Variants in ELAVL2 observed in about 807,000 individuals in gnomAD.
ELAVL2 encodes the protein ELAV like RNA binding protein 2, also known as ELAV-like protein 2.
A neutral mutation model predicts 34.6 loss-of-function variants in ELAVL2; 4 were observed. The ratio of observed to expected loss-of-function variants is 0.12; its 90% confidence interval spans 0.06 to 0.26. The LOEUF (loss-of-function observed/expected upper bound fraction) is 0.26. Ranked by LOEUF, ELAVL2 falls within the 10% of genes least tolerant of loss-of-function variation. The pLI is 1.00. For missense variants in ELAVL2, 432 were observed against 442.8 expected (o/e 0.98, Z 0.22); for synonymous variants, 193 against 154.8 (o/e 1.25, Z -1.83).
At chr9:23,746,456 A>T (rs1341757316) in intron 2 of ELAVL2, among the ~76,000 whole-genome samples, 1 of 152,184 alleles carries the variant, frequency 6.6e-6, no homozygotes, top group Non-Finnish European at 1.5e-5. Flanking sequence ...TTTCAGAATG[A>T]GTAAGGGCTG....
the ELAVL2 span, among the ~76,000 whole-genome samples, chr9:23,837,575 C>G: frequency 6.6e-6 from 1 of 152,238 alleles, no homozygotes; most frequent in East Asian, 1.9e-4. Flanking sequence ...CAAGATAACA[C>G]AGCTAGAAAT....
chr9:23,697,210 C>T (rs2035563158), intron 5 of ELAVL2, among the ~76,000 whole-genome samples: 1 of 152,018 alleles, frequency 6.6e-6, no homozygotes, highest in Non-Finnish European at 1.5e-5. Context: ...AAAAAGATTA[C>T]TACAAATGTA....
intron 1 of ELAVL2, among the ~76,000 whole-genome samples, chr9:23,785,623 G>A (rs533340617): frequency 7.9e-4 from 120 of 152,202 alleles, no homozygotes; most frequent in Non-Finnish European, 1.5e-3. Flanking sequence ...ACTGTCTCAC[G>A]TCTGTTAACC....
chr9:23,773,427 C>G (rs146110139), intron 1 of ELAVL2, among the ~76,000 whole-genome samples: 1 of 152,118 alleles, frequency 6.6e-6, no homozygotes, highest in Non-Finnish European at 1.5e-5. Flanking sequence ...TCAGACTTCC[C>G]GCTTTGCAAG....
chr9:23,769,382 G>C (rs544408966), intron 1 of ELAVL2, among the ~76,000 whole-genome samples: 1 of 152,126 alleles, frequency 6.6e-6, no homozygotes. Flanking sequence ...CATTCCTATA[G>C]CAAATGCTTT....
chr9:23,720,778 C>T (rs960799403), intron 3 of ELAVL2, among the ~76,000 whole-genome samples: 3 of 152,166 alleles, frequency 2.0e-5, no homozygotes, highest in Non-Finnish European at 2.9e-5. Context: ...TACCCAAGTG[C>T]AAATCATTAA....
chr9:23,705,395 C>T (rs1000933897), intron 3 of ELAVL2, among the ~76,000 whole-genome samples: 2 of 152,158 alleles, frequency 1.3e-5, no homozygotes, highest in African/African-American at 4.8e-5. Context: ...GATCAATTTG[C>T]GGAGGTATAG....
intron 1 of ELAVL2, among the ~76,000 whole-genome samples, chr9:23,823,393 A>C (rs1266431078): frequency 6.6e-6 from 1 of 152,122 alleles, no homozygotes; most frequent in Non-Finnish European, 1.5e-5. Flanking sequence ...ATTATGGGAG[A>C]GCTCTCAGAA....
In ELAVL2 at chr9:23,769,311, A is replaced by T. The variant is rs146272087; in HGVS notation, c.-15-7062T>A. The stretch of plus-strand genomic sequence containing the variant: ...CACTCCAAAATTGGTGAAATAAGTC[A>T]TATGAGCTTATAGATGACAGCTGGG... On this transcript the variant is annotated intron_variant, in intron 1 of 6. Transcript: ENST00000397312. Among the ~76,000 whole-genome samples, 913 of 152,264 alleles carry T rather than the reference A, an allele frequency of 6.0e-3. 6 individuals carry two copies. Among genetic ancestry groups the T allele is most frequent in the African/African-American group, 0.021 (884 of 41,552 alleles).
At chr9:23,799,080 C>T (rs2061296063) in intron 1 of ELAVL2, among the ~76,000 whole-genome samples, 2 of 152,118 alleles carry the variant, frequency 1.3e-5, no homozygotes, top group Non-Finnish European at 2.9e-5. Flanking sequence ...TCCTAAAGTG[C>T]TAATTATTAC....
the ELAVL2 span, among the ~76,000 whole-genome samples, chr9:23,834,236 A>C: frequency 5.3e-5 from 8 of 152,034 alleles, no homozygotes; most frequent in African/African-American, 1.9e-4. Context: ...GTTTATCCTT[A>C]TAAATTTTTG....
At chr9:23,745,611 C>T (rs2135379383) in intron 2 of ELAVL2, among the ~76,000 whole-genome samples, 1 of 152,284 alleles carries the variant, frequency 6.6e-6, no homozygotes, top group South Asian at 2.1e-4. Context: ...GAACCAAAGA[C>T]TGTCCAAAAA....
intron 1 of ELAVL2, among the ~76,000 whole-genome samples, chr9:23,777,570 T>C (rs755503584): frequency 3.9e-5 from 6 of 152,146 alleles, no homozygotes; most frequent in African/African-American, 7.2e-5. Flanking sequence ...GGCCTTGGAA[T>C]TGAGTTGAGT....
At chr9:23,737,033 C>T (rs1360958642) in intron 2 of ELAVL2, among the ~76,000 whole-genome samples, 7 of 152,184 alleles carry the variant, frequency 4.6e-5, no homozygotes, top group Non-Finnish European at 1.0e-4. Context: ...GCACACTGTA[C>T]AGTGCTCCTC....
At chr9:23,712,236 G>A (rs547809562) in intron 3 of ELAVL2, among the ~76,000 whole-genome samples, 6 of 152,152 alleles carry the variant, frequency 3.9e-5, no homozygotes, top group Non-Finnish European at 5.9e-5. Context: ...TGTAGGACTC[G>A]CGGTCTTAGC....
At chr9:23,778,525 T>C (rs1054201524) in intron 1 of ELAVL2, among the ~76,000 whole-genome samples, 2 of 152,170 alleles carry the variant, frequency 1.3e-5, no homozygotes, top group Non-Finnish European at 2.9e-5. Flanking sequence ...GGTTGCCCTA[T>C]AAATGGGGTG....
At position 23,691,280 on chromosome 9, in the gene ELAVL2, G is replaced by T. The variant is rs1348267117; in HGVS notation, c.*1277C>A. On this transcript the variant is annotated 3_prime_UTR_variant, in exon 7 of 7. Coordinates refer to ENST00000397312, the MANE Select transcript of ELAVL2 (RefSeq NM_004432.5). ...GAAAAAAAATTAAATTAGCTGAAAG[G>T]TTCATAAACACAAGGTCTTATTTAC... 1 of 152,512 alleles carries T rather than the reference G, an allele frequency of 6.6e-6. No individual in the cohort carries two copies. Among genetic ancestry groups the T allele is most frequent in the East Asian group, 1.9e-4 (1 of 5,188 alleles). 9.4% of individuals were successfully genotyped at this position (152,512 alleles called of 1,614,324 possible).
chr9:23,805,355 T>G (rs1164054750), intron 1 of ELAVL2, among the ~76,000 whole-genome samples: 2 of 152,160 alleles, frequency 1.3e-5, no homozygotes, highest in African/African-American at 4.8e-5. Flanking sequence ...TAACAAGAGA[T>G]ATGATTTGCT....
At chr9:23,792,405 A>G (rs886066160) in intron 1 of ELAVL2, among the ~76,000 whole-genome samples, 2 of 152,198 alleles carry the variant, frequency 1.3e-5, no homozygotes, top group African/African-American at 4.8e-5. Flanking sequence ...TCATCTATCC[A>G]TAACTGCTAA....
Sources: gnomAD v4.1 joint callset for allele counts (sites outside exome capture counted in the v4.1 genomes callset) on GRCh38, gnomAD v4.1.1 for gene constraint, MANE v1.5 for transcripts, NCBI Gene and HGNC (gene_info 2026-07-23, HGNC 2026-07-21) for gene names.